Variants in CLCN6 observed in about 807,000 individuals in gnomAD.
CLCN6 encodes Cl-/H+ antiporter 6.
Under a neutral mutation model 109.8 loss-of-function variants are expected in CLCN6, and 70 were observed. The observed-to-expected ratio is 0.64, with a 90% CI of 0.53 to 0.78. The LOEUF (loss-of-function observed/expected upper bound fraction) is 0.78. Ranked by LOEUF, CLCN6 falls within the 30% of genes least tolerant of loss-of-function variation. CLCN6 has a pLI of 0.00. For missense variants in CLCN6, 984 were observed against 1,142.3 expected, an observed-to-expected ratio of 0.86 and a Z score of 2.00; for synonymous variants, 444 against 447.8, an observed-to-expected ratio of 0.99 and a Z score of 0.11.
At chr1:11,828,347 T>G in intron 11 of CLCN6, 111 bp from the exon 12 acceptor site, 2 of 1,466,288 alleles carry the variant, frequency 1.4e-6, no homozygotes, top group Non-Finnish European at 1.9e-6. Context: ...CCCATTAGCC[T>G]CTGCCGTGCG....
chr1:11,813,972 T>C (rs1025547652), intron 2 of CLCN6, among the ~76,000 whole-genome samples: 2 of 152,220 alleles, frequency 1.3e-5, no homozygotes, highest in South Asian at 2.1e-4. Flanking sequence ...AATCATTTTA[T>C]TGGTGTATAG....
Position 11,842,356 on chromosome 1 carries a change from G to A in CLCN6, c.*2133G>A, listed in dbSNP as rs1645035425. 6.5e-6 allele frequency: 1 copy of A among 152,684 alleles called. No individual in the cohort carries two copies. Among genetic ancestry groups the A allele is most frequent in the South Asian group, 2.1e-4 (1 of 4,832 alleles). The allele number at this position is 152,684 out of a possible 1,614,324, so 9.5% of individuals were successfully genotyped here. On this transcript the variant is annotated 3_prime_UTR_variant, in exon 23 of 23. Coordinates refer to ENST00000346436, the MANE Select transcript of CLCN6 (RefSeq NM_001286.5). ...AATACCTCCCTCCCCTAAACTGACT[G>A]GACGGCTGCCAAGGAGGCCCCAAAC... is the stretch of plus-strand genomic sequence containing the variant.
At chr1:11,835,858 G>GGCC in intron 17 of CLCN6, 109 bp from the exon 18 acceptor site, 1 of 827,266 alleles carries the variant, frequency 1.2e-6, no homozygotes, top group East Asian at 2.7e-5. Flanking sequence ...GTTCAGAAGA[G>GGCC]CCCCCCACCC....
intron 2 of CLCN6, among the ~76,000 whole-genome samples, chr1:11,807,394 C>A (rs1334121640): frequency 6.6e-6 from 1 of 152,224 alleles, no homozygotes; most frequent in Non-Finnish European, 1.5e-5. Flanking sequence ...GGTGTTTTTA[C>A]ACGTTTATAA....
intron 20 of CLCN6, 147 bp from the exon 21 acceptor site, chr1:11,838,188 T>C: frequency 1.4e-6 from 1 of 720,778 alleles, no homozygotes; most frequent in Non-Finnish European, 2.4e-6. Context: ...ACTGGAGAGC[T>C]CTCACTCTGG....
chr1:11,834,068 G>T lies in CLCN6; in HGVS notation c.1526+38G>T. 2 of 1,605,070 alleles carry T rather than the reference G, an allele frequency of 1.2e-6. No individual in the cohort carries two copies. Among genetic ancestry groups the T allele is most frequent in the South Asian group, 1.1e-5 (1 of 90,366 alleles). ...TGTGCGTGTGTGTGCGCATGTGCAT[G>T]TGTGTGCACGTGTGCGTGTGTATGC... is the stretch of plus-strand genomic sequence containing the variant. On this transcript the variant is annotated intron_variant, in intron 15 of 22. Coordinates refer to ENST00000346436, the MANE Select transcript of CLCN6 (RefSeq NM_001286.5). The surrounding 1 kb of genome is among the most constrained non-coding windows in gnomAD (Gnocchi z 4.5).
intron 2 of CLCN6, among the ~76,000 whole-genome samples, chr1:11,812,668 G>T (rs1285333993): frequency 1.6e-5 from 1 of 63,600 alleles, no homozygotes; most frequent in Non-Finnish European, 4.1e-5. Flanking sequence ...GTATGTTTGT[G>T]TGTGTGTGTG....
At chr1:11,836,887 C>A in intron 18 of CLCN6, 112 bp from the exon 19 acceptor site, 1 of 1,255,236 alleles carries the variant, frequency 8.0e-7, no homozygotes, top group Non-Finnish European at 1.1e-6. Context: ...CCATTAAGTT[C>A]CTGCGTCCGG....
chr1:11,826,142 T>G lies in CLCN6; in HGVS notation c.649-14T>G. 6.2e-7 allele frequency: 1 copy of G among 1,608,294 alleles called. No individual in the cohort carries two copies. Among genetic ancestry groups the G allele is most frequent in the Non-Finnish European group, 8.5e-7 (1 of 1,175,356 alleles). On this transcript the variant is annotated splice_polypyrimidine_tract_variant and intron_variant, in intron 8 of 22. Transcript: ENST00000346436. ...GAGTAGGCTCTTTAGTGGCTCTCTT[T>G]TCTCTTGCTTTAGTTTCAGAGCATC...
chr1:11,821,073 T>TTA (rs1216520509), intron 5 of CLCN6, among the ~76,000 whole-genome samples: 1 of 123,128 alleles, frequency 8.1e-6, no homozygotes, highest in African/African-American at 3.1e-5. Flanking sequence ...CAAAACTGTC[T>TTA]CAAAAAACAA....
rs912701162 is a variant in CLCN6, at chr1:11,840,235, A to G, written c.*12A>G. ...ACCAGACCATCTGACAGCCCAGCCC[A>G]CCCTCTCCTGGTGCTGCCTGGGGAG... On this transcript the variant is annotated 3_prime_UTR_variant, in exon 23 of 23. Transcript: ENST00000346436. 7 of 1,609,352 alleles carry G rather than the reference A, an allele frequency of 4.3e-6. No homozygotes were observed. Among genetic ancestry groups the G allele is most frequent in the Non-Finnish European group, 5.9e-6 (7 of 1,178,288 alleles).
rs572383997 is a variant in CLCN6 at position 11,807,973 on chromosome 1, G to GT, written c.147+784dup. 2.7e-3 allele frequency among the ~76,000 whole-genome samples: 412 copies of GT among 151,932 alleles called. 5 individuals carry two copies. Among genetic ancestry groups the GT allele is most frequent in the Non-Finnish European group, 3.7e-3 (253 of 67,996 alleles). On this transcript the variant is annotated intron_variant, in intron 2 of 22. Transcript: ENST00000346436. ...ACAACCTTTTCTTTTTTTTGACAGA[G>GT]TCTCACTCTTCCATAAATTCTTCAT...
chr1:11,839,453 G>A (rs185093382), intron 22 of CLCN6, among the ~76,000 whole-genome samples: 2 of 152,286 alleles, frequency 1.3e-5, no homozygotes, highest in East Asian at 1.9e-4. Context: ...GTAGAGACAC[G>A]GTTTCGCCAT....
At chr1:11,822,822 C>A in intron 6 of CLCN6, 21 bp downstream of exon 6, 1 of 1,515,980 alleles carries the variant, frequency 6.6e-7, no homozygotes, top group Non-Finnish European at 9.2e-7. Context: ...TTGGATTCAC[C>A]TGCTCGCTTA....
At chr1:11,821,890 C>CAG (rs113289271) in intron 5 of CLCN6, among the ~76,000 whole-genome samples, 27,181 of 152,034 alleles carry the variant, frequency 0.18, 2,617 homozygotes, top group African/African-American at 0.26. Flanking sequence ...AAATTTTAGA[C>CAG]AAGTGAAAGT....
chr1:11,837,319 C>T (rs1422862566), intron 19 of CLCN6, 24 bp from the exon 20 acceptor site: 2 of 1,600,444 alleles, frequency 1.2e-6, no homozygotes, highest in Non-Finnish European at 1.7e-6. Context: ...GTATCCCAGG[C>T]AGCATCTGGT....
chr1:11,815,817 C>T, intron 2 of CLCN6, 29 bp from the exon 3 acceptor site: 2 of 1,592,008 alleles, frequency 1.3e-6, no homozygotes, highest in Non-Finnish European at 8.6e-7. Context: ...CCTGACATGA[C>T]CTTTTGACTC....
At chr1:11,827,686 G>A (rs1285409147) in intron 10 of CLCN6, among the ~76,000 whole-genome samples, 2 of 150,110 alleles carry the variant, frequency 1.3e-5, no homozygotes, top group African/African-American at 2.5e-5. Context: ...GATTACAGGC[G>A]TGAGCCACCA....
Position 11,842,376 on chromosome 1 carries a change from C to T in CLCN6, c.*2153C>T, listed in dbSNP as rs1049993909. On this transcript the variant is annotated 3_prime_UTR_variant, in exon 23 of 23. Transcript: ENST00000346436. ...TGACTGGACGGCTGCCAAGGAGGCC[C>T]CAAACCCAGGCCCCATGCAAAGGCA... is the stretch of plus-strand genomic sequence containing the variant. 1 of 152,728 alleles carries T rather than the reference C, an allele frequency of 6.5e-6. No individual in the cohort carries two copies. The highest frequency in any genetic ancestry group is 1.5e-5 in the Non-Finnish European group (1 of 68,074). The allele number at this position is 152,728 out of a possible 1,614,324, so 9.5% of individuals were successfully genotyped here.
Sources: gnomAD v4.1 joint callset for allele counts (sites outside exome capture counted in the v4.1 genomes callset) on GRCh38, gnomAD v4.1.1 for gene constraint, Gnocchi (gnomAD v3.1) non-coding constraint, MANE v1.5 for transcripts, NCBI Gene and HGNC (gene_info 2026-07-23, HGNC 2026-07-21) for gene names.